The following OPCML variants were observed in gnomAD, a reference collection of about 807,000 sequenced individuals.
OPCML encodes opioid-binding protein/cell adhesion molecule.
OPCML carries 13 observed loss-of-function variants against 37.8 expected under a neutral mutation model. The observed-to-expected ratio is 0.34, with a 90% CI of 0.22 to 0.55. OPCML has a LOEUF of 0.55. Ranked by LOEUF, OPCML falls within the 20% of genes least tolerant of loss-of-function variation. OPCML has a pLI of 0.91. For synonymous variants in OPCML, 176 were observed against 168.8 expected, an observed-to-expected ratio of 1.04 and a Z score of -0.33; for missense variants, 341 against 435.6, an observed-to-expected ratio of 0.78 and a Z score of 1.93.
intron 1 of OPCML, among the ~76,000 whole-genome samples, chr11:133,481,818 T>A (rs1217649183): frequency 6.6e-6 from 1 of 152,198 alleles, no homozygotes; most frequent in Non-Finnish European, 1.5e-5. Context: ...TGTTGACTAT[T>A]CAACGGGATG....
intron 1 of OPCML, among the ~76,000 whole-genome samples, chr11:133,287,244 A>AT (rs958508158): frequency 4.9e-5 from 7 of 141,910 alleles, no homozygotes; most frequent in South Asian, 2.3e-4. Flanking sequence ...TATTCAAAAT[A>AT]TTTTTTTTAA....
At position 133,206,522 on chromosome 11, in the gene OPCML, A is replaced by G. The variant is rs1939068597; in HGVS notation, c.62-263512T>C. ...GAAAGCGTGTTAAGAGAGGAAGAGA[A>G]ACACCCTGTACTCTCAGAAACATTT... On this transcript the variant is annotated intron_variant, in intron 1 of 7. Coordinates refer to ENST00000524381, the MANE Select transcript of OPCML (RefSeq NM_001012393.5). This position sits in a 1 kb window ranked among gnomAD's most constrained non-coding sequence, Gnocchi z 4.7. 6.6e-6 allele frequency among the ~76,000 whole-genome samples: 1 copy of G among 152,210 alleles called. No individual in the cohort carries two copies. The highest frequency in any genetic ancestry group is 2.4e-5 in the African/African-American group (1 of 41,456).
At chr11:132,839,523 C>T (rs946655051) in intron 2 of OPCML, among the ~76,000 whole-genome samples, 5 of 152,186 alleles carry the variant, frequency 3.3e-5, no homozygotes, top group Admixed American at 6.5e-5. Context: ...GTGCAGGAGG[C>T]TAATTAAATG....
intron 2 of OPCML, among the ~76,000 whole-genome samples, chr11:132,662,568 T>G (rs925050936): frequency 6.6e-6 from 1 of 152,090 alleles, no homozygotes; most frequent in African/African-American, 2.4e-5. Flanking sequence ...ACAAATAAAG[T>G]ATGTATGTCT....
chr11:132,703,623 T>A (rs764856750), intron 2 of OPCML, among the ~76,000 whole-genome samples: 1 of 152,232 alleles, frequency 6.6e-6, no homozygotes, highest in African/African-American at 2.4e-5. Flanking sequence ...TTGGGTGGAA[T>A]GATCCGGTGC....
At chr11:132,599,862 T>A (rs980343272) in intron 3 of OPCML, among the ~76,000 whole-genome samples, 7 of 152,224 alleles carry the variant, frequency 4.6e-5, no homozygotes, top group African/African-American at 1.7e-4. Context: ...TATGCAAACA[T>A]TTCCTTTTAG....
chr11:132,536,343 A>G (rs1002631931), intron 3 of OPCML, among the ~76,000 whole-genome samples: 2 of 152,258 alleles, frequency 1.3e-5, no homozygotes, highest in Non-Finnish European at 2.9e-5. Flanking sequence ...CACAGGGGCT[A>G]AGGTTTGAAC....
chr11:132,821,519 G>A (rs1245711218), intron 2 of OPCML, among the ~76,000 whole-genome samples: 1 of 152,186 alleles, frequency 6.6e-6, no homozygotes. Context: ...TTCCCTCCTG[G>A]AAAGACTGGA....
At chr11:133,083,425 C>T (rs12804717) in intron 1 of OPCML, among the ~76,000 whole-genome samples, 2 of 152,166 alleles carry the variant, frequency 1.3e-5, no homozygotes, top group Admixed American at 1.3e-4. Context: ...GAGGGCTGGC[C>T]TGAGGGAGCC....
At chr11:132,580,296 C>T (rs529477912) in intron 3 of OPCML, among the ~76,000 whole-genome samples, 35 of 152,054 alleles carry the variant, frequency 2.3e-4, no homozygotes, top group East Asian at 7.7e-4. Flanking sequence ...AGAAATATGA[C>T]GAATCTGTTT....
chr11:133,506,334 G>GA (rs1311407580), intron 1 of OPCML, among the ~76,000 whole-genome samples: 9 of 152,172 alleles, frequency 5.9e-5, no homozygotes, highest in African/African-American at 2.2e-4. Flanking sequence ...CCAGAGCCCT[G>GA]AGAGGGTTAC....
intron 1 of OPCML, among the ~76,000 whole-genome samples, chr11:133,090,634 A>C (rs1948891783): frequency 6.6e-6 from 1 of 152,200 alleles, no homozygotes. Flanking sequence ...GCAGAGTTTA[A>C]GAGTGATGAA....
intron 1 of OPCML, among the ~76,000 whole-genome samples, chr11:133,175,841 A>G (rs1950365076): frequency 6.6e-6 from 1 of 152,152 alleles, no homozygotes; most frequent in Non-Finnish European, 1.5e-5. Context: ...TGTGCAACGG[A>G]TGAGACCTGT....
intron 3 of OPCML, among the ~76,000 whole-genome samples, chr11:132,651,129 TG>T (rs1429384136): frequency 6.6e-6 from 1 of 152,200 alleles, no homozygotes; most frequent in East Asian, 1.9e-4. Flanking sequence ...CACCCTTTTC[TG>T]GAGCACCTCT....
intron 1 of OPCML, among the ~76,000 whole-genome samples, chr11:133,150,190 TA>T (rs1293688086): frequency 6.6e-6 from 1 of 152,262 alleles, no homozygotes; most frequent in Non-Finnish European, 1.5e-5. Context: ...CCTCCAGATA[TA>T]TCAGGTGCCC....
intron 1 of OPCML, among the ~76,000 whole-genome samples, chr11:132,969,229 A>G (rs890679672): frequency 2.0e-5 from 3 of 151,920 alleles, no homozygotes; most frequent in African/African-American, 7.3e-5. Context: ...TAAAAATACC[A>G]TTTTAAATAT....
At chr11:133,277,244 T>A (rs555824215) in intron 1 of OPCML, among the ~76,000 whole-genome samples, 1 of 152,316 alleles carries the variant, frequency 6.6e-6, no homozygotes, top group Non-Finnish European at 1.5e-5. Context: ...ACAGCACAGA[T>A]GCAGTCAATT....
At chr11:132,686,570 G>A (rs1385890450) in intron 2 of OPCML, among the ~76,000 whole-genome samples, 2 of 152,158 alleles carry the variant, frequency 1.3e-5, no homozygotes, top group Non-Finnish European at 2.9e-5. Context: ...TTTATGGCCA[G>A]CACATGGGTT....
chr11:133,008,224 G>A (rs1366511216), intron 1 of OPCML: 6 of 985,302 alleles, frequency 6.1e-6, no homozygotes, highest in Admixed American at 6.1e-5. Context: ...ACCCTACACA[G>A]TGTTGGCCAC....
Sources: allele counts gnomAD v4.1 joint callset (sites outside exome capture counted in the v4.1 genomes callset), GRCh38; gene constraint gnomAD v4.1.1; non-coding constraint Gnocchi (gnomAD v3.1); transcripts MANE v1.5; gene names NCBI Gene and HGNC (gene_info 2026-07-23, HGNC 2026-07-21).